The following AGTPBP1 variants were observed in gnomAD, a reference collection of about 807,000 sequenced individuals.
AGTPBP1 encodes cytosolic carboxypeptidase 1.
A neutral mutation model predicts 143.9 loss-of-function variants in AGTPBP1; 70 were observed. That is an observed-to-expected ratio of 0.49 (90% CI 0.40 to 0.59). The LOEUF (loss-of-function observed/expected upper bound fraction) is 0.59, where lower values mean the gene tolerates loss of function less well. AGTPBP1 is among the 20% of genes least tolerant of loss of function. The pLI, the probability that AGTPBP1 is intolerant of heterozygous loss-of-function variation, is 0.00. For missense variants in AGTPBP1, 1,229 were observed against 1,464.5 expected (o/e 0.84, Z 2.62); for synonymous variants, 463 against 500.2 (o/e 0.93, Z 0.99).
At chr9:85,553,861 A>G (rs1455178936) in intron 25 of AGTPBP1, 2 of 152,232 alleles carry the variant, frequency 1.3e-5, no homozygotes, top group East Asian at 3.8e-4. Flanking sequence ...GAATTTCTAG[A>G]TGGATGGCCT....
chr9:85,675,764 G>A (rs545214463), intron 6 of AGTPBP1, among the ~76,000 whole-genome samples: 27 of 152,264 alleles, frequency 1.8e-4, no homozygotes, highest in Non-Finnish European at 2.5e-4. Flanking sequence ...GGTGGCTCAC[G>A]CCTGTAATCT....
rs78796290 is a variant in AGTPBP1, at chr9:85,677,591, TAA to T, written c.290-11_290-10del. 4.7e-4 allele frequency: 549 copies of T among 1,159,754 alleles called. No homozygotes were observed. The highest frequency in any genetic ancestry group is 1.1e-3 in the South Asian group (62 of 56,596). 71.8% of individuals were successfully genotyped at this position (1,159,754 alleles called of 1,614,324 possible). A position where few individuals can be genotyped will look rare whatever the true frequency, so the allele number is the denominator to read the frequency against. ...CACTCTTCGACCTCCACCTAAAAAT[TAA>T]AAAAAAAAAAAATTTAAACAACAAA... On this transcript the variant is annotated splice_polypyrimidine_tract_variant and intron_variant, in intron 5 of 25. Transcript: ENST00000357081.
the AGTPBP1 span, among the ~76,000 whole-genome samples, chr9:85,754,331 C>T: frequency 6.6e-5 from 10 of 152,194 alleles, no homozygotes. Context: ...GCTGGCACTA[C>T]AGGTGCCCAC....
chr9:85,672,796 T>A, intron 6 of AGTPBP1, 115 bp from the exon 7 acceptor site: 12 of 749,168 alleles, frequency 1.6e-5, no homozygotes, highest in Non-Finnish European at 2.2e-5. Context: ...GTGCAGTGGC[T>A]CCATCTCAGC....
chr9:85,585,991 T>A (rs1039147641), intron 22 of AGTPBP1, among the ~76,000 whole-genome samples: 2 of 152,146 alleles, frequency 1.3e-5, no homozygotes, highest in Non-Finnish European at 2.9e-5. Context: ...GGCGGGTGGA[T>A]CACCAGAGGC....
At position 85,655,228 on chromosome 9, in the gene AGTPBP1, T is replaced by A. The variant is rs761694156; in HGVS notation, c.1002A>T (p.Pro334=). 1.2e-5 allele frequency: 19 copies of A among 1,608,820 alleles called. No homozygotes were observed. The African/African-American group carries it at 2.3e-4, about 19-fold the overall frequency. ...KCFPKNRLPL[P]TIKSSFHFQL... Reference sequence around the variant, plus strand: ...GGAAATGAAAAGAACTTTTAATTGTTGGGAGTGGCAGTCGATTTTTTGGGA... The same window carrying A: ...GGAAATGAAAAGAACTTTTAATTGTAGGGAGTGGCAGTCGATTTTTTGGGA... Residue 334 remains proline (P), a synonymous_variant, in exon 11 of 26, where the codon CCA becomes CCT. Transcript: ENST00000357081.
chr9:85,791,210 A>C, the AGTPBP1 span, among the ~76,000 whole-genome samples: 2 of 151,998 alleles, frequency 1.3e-5, no homozygotes, highest in Admixed American at 6.6e-5. Flanking sequence ...CCCCATCTCT[A>C]CTAAAAATAC....
intron 8 of AGTPBP1, among the ~76,000 whole-genome samples, chr9:85,663,433 T>C (rs1165268959): frequency 6.6e-6 from 1 of 152,040 alleles, no homozygotes; most frequent in Non-Finnish European, 1.5e-5. Flanking sequence ...ATCTAACAAA[T>C]GTGAAAAGAC....
At chr9:85,692,936 C>T in intron 2 of AGTPBP1, 123 bp from the exon 3 acceptor site, 1 of 1,049,504 alleles carries the variant, frequency 9.5e-7, no homozygotes, top group South Asian at 1.6e-5. Flanking sequence ...ACACGTCGCA[C>T]TTCCTTACTC....
At chr9:85,617,458 T>C (rs143583852) in intron 17 of AGTPBP1, among the ~76,000 whole-genome samples, 322 of 152,302 alleles carry the variant, frequency 2.1e-3, no homozygotes, top group African/African-American at 7.3e-3. Flanking sequence ...TTTTAAAATG[T>C]TGATATTAAG....
Position 85,547,268 on chromosome 9 carries a change from C to T in AGTPBP1, c.3522G>A (p.Leu1174=). The part of the protein sequence containing the change: ...CKVTSPTTYV[L]DEDEPRFLEE... The stretch of plus-strand genomic sequence containing the variant: ...CAAGGAATCGAGGTTCATCTTCATC[C>T]AAGACATAAGTGGTAGGGCTGCAGC... The change falls in exon 26 of 26, where the codon TTG becomes TTA. Residue 1174 remains leucine, a synonymous_variant. Transcript: ENST00000357081. The T allele has an allele frequency of 1.2e-6, 2 of 1,611,026 alleles. No individual in the cohort carries two copies. Among genetic ancestry groups the T allele is most frequent in the Non-Finnish European group, 1.7e-6 (2 of 1,178,920 alleles).
chr9:85,673,227 C>T (rs570395873), intron 6 of AGTPBP1, among the ~76,000 whole-genome samples: 1 of 151,756 alleles, frequency 6.6e-6, no homozygotes, highest in East Asian at 1.9e-4. Flanking sequence ...TACTAAGAAA[C>T]AGACAGGGGG....
At chr9:85,607,964 AGGT>A (rs1209512684) in intron 17 of AGTPBP1, among the ~76,000 whole-genome samples, 2 of 152,150 alleles carry the variant, frequency 1.3e-5, no homozygotes, top group Non-Finnish European at 2.9e-5. Flanking sequence ...ATTCAGATTC[AGGT>A]GGCTGCCATT....
the AGTPBP1 span, chr9:85,770,407 C>G: frequency 1.6e-5 from 26 of 1,602,720 alleles, no homozygotes; most frequent in Non-Finnish European, 2.6e-6. Context: ...TAACCTCTCT[C>G]GTGGTGAAGC....
intron 11 of AGTPBP1, among the ~76,000 whole-genome samples, chr9:85,648,115 A>G (rs1832928811): frequency 6.6e-6 from 1 of 152,218 alleles, no homozygotes; most frequent in Non-Finnish European, 1.5e-5. Context: ...CGAACTTACT[A>G]GCTATTTGAC....
Position 85,618,972 on chromosome 9 carries a change from A to G in AGTPBP1, c.2335+11T>C. The G allele has an allele frequency of 6.2e-7, 1 of 1,600,548 alleles. No homozygotes were observed. The highest frequency in any genetic ancestry group is 8.5e-7 in the Non-Finnish European group (1 of 1,175,222). On this transcript the variant is annotated intron_variant, in intron 17 of 25. Coordinates refer to ENST00000357081, the MANE Select transcript of AGTPBP1 (RefSeq NM_001330701.2). ...GCATGCCATTTCAATTGGGAAAGAA[A>G]ACTGTCTTACCATAATTAAACTGAC...
chr9:85,705,795 A>T (rs1263673924), intron 2 of AGTPBP1, among the ~76,000 whole-genome samples: 1 of 152,024 alleles, frequency 6.6e-6, no homozygotes, highest in East Asian at 1.9e-4. Flanking sequence ...GGTTCACGCT[A>T]TTCTCCTGCC....
At chr9:85,796,837 A>G in the AGTPBP1 span, among the ~76,000 whole-genome samples, 1,789 of 152,274 alleles carry the variant, frequency 0.012, 21 homozygotes, top group African/African-American at 0.039. Flanking sequence ...ACCAGGCCAG[A>G]GAGCAGTGGT....
chr9:85,563,302 A>T (rs1564011958), intron 25 of AGTPBP1, among the ~76,000 whole-genome samples: 1 of 152,234 alleles, frequency 6.6e-6, no homozygotes, highest in Non-Finnish European at 1.5e-5. Context: ...ATGGCTGTGA[A>T]TGGCCCATAA....
Sources: allele counts gnomAD v4.1 joint callset (sites outside exome capture counted in the v4.1 genomes callset), GRCh38; gene constraint gnomAD v4.1.1; transcripts MANE v1.5; gene names NCBI Gene and HGNC (gene_info 2026-07-23, HGNC 2026-07-21).